The following SPTBN5 variants were observed in gnomAD, a reference collection of about 807,000 sequenced individuals.
SPTBN5 encodes spectrin beta, non-erythrocytic 5.
A neutral mutation model predicts 477.6 loss-of-function variants in SPTBN5; 513 were observed. The observed-to-expected ratio is 1.07, with a 90% CI of 1.00 to 1.16. SPTBN5 has a LOEUF of 1.16. SPTBN5 is among the 50% of genes most tolerant of loss of function. The pLI, the probability that SPTBN5 is intolerant of heterozygous loss-of-function variation, is 0.00. For synonymous variants in SPTBN5, 2,169 were observed against 2,011.7 expected, an observed-to-expected ratio of 1.08 and a Z score of -2.09; for missense variants, 5,062 against 4,731.8, an observed-to-expected ratio of 1.07 and a Z score of -2.05.
intron 32 of SPTBN5, among the ~76,000 whole-genome samples, chr15:41,869,048 T>G (rs2066439591): frequency 6.6e-6 from 1 of 152,208 alleles, no homozygotes; most frequent in South Asian, 2.1e-4. Context: ...GTTCTCTGAA[T>G]TACTAATTTA....
At position 41,893,263 on chromosome 15, in the gene SPTBN5, C is replaced by A; in HGVS notation, c.216+19G>T. The stretch of plus-strand genomic sequence containing the variant: ...GGCCTGGTATGGGTGGGCTGTGGGT[C>A]ACAGCTGGCTATACTCACCTGGCCG... On this transcript the variant is annotated intron_variant, in intron 2 of 67. Coordinates refer to ENST00000320955, the MANE Select transcript of SPTBN5 (RefSeq NM_016642.4). 1 of 1,613,678 alleles carries A rather than the reference C, an allele frequency of 6.2e-7. No individual in the cohort carries two copies. Among genetic ancestry groups the A allele is most frequent in the South Asian group, 1.1e-5 (1 of 91,008 alleles).
chr15:41,885,669 G>A (rs1432813926), intron 7 of SPTBN5, 66 bp downstream of exon 7: 7 of 1,496,328 alleles, frequency 4.7e-6, no homozygotes, highest in Non-Finnish European at 6.3e-6. Context: ...ACATGACATG[G>A]AAGGATGGGG....
chr15:41,893,128 G>T, intron 2 of SPTBN5, 67 bp from the exon 3 acceptor site: 1 of 1,581,544 alleles, frequency 6.3e-7, no homozygotes. Flanking sequence ...CCTGGGACCT[G>T]AGAGGTACGA....
At chr15:41,873,739 C>G in intron 25 of SPTBN5, 106 bp downstream of exon 25, 1 of 1,515,826 alleles carries the variant, frequency 6.6e-7, no homozygotes, top group Non-Finnish European at 9.0e-7. Context: ...CAGCTCCCAG[C>G]CCAGAGCCCC....
intron 39 of SPTBN5, among the ~76,000 whole-genome samples, chr15:41,864,439 G>C (rs2066228513): frequency 6.6e-6 from 1 of 152,086 alleles, no homozygotes; most frequent in African/African-American, 2.4e-5. Context: ...TCAGCCTCCC[G>C]AGTAGCTGGC....
rs377602982 is a variant in SPTBN5, at chr15:41,858,647, C to G, written c.8181G>C (p.Gln2727His). The G allele has an allele frequency of 5.0e-6, 8 of 1,611,630 alleles. No individual in the cohort carries two copies. In the African/African-American group the frequency reaches 9.3e-5, roughly 19 times the overall value. ...GGTGCATGCTCGCGTCCAGCTCCGC[C>G]TGGAAATTCTGCTGCTTCTGTAACT... ...PAQLQKQQNF[Q>H]AELDASMHQQ... The change falls in exon 49 of 68, where the codon CAG becomes CAC. Residue 2727 changes from glutamine to histidine, a missense_variant. Physicochemically the swap from Gln to His is conservative, Grantham distance 24. Coordinates refer to ENST00000320955, the MANE Select transcript of SPTBN5 (RefSeq NM_016642.4).
At position 41,867,139 on chromosome 15, in the gene SPTBN5, G is replaced by A. The variant is rs2066352093; in HGVS notation, c.6313-13C>T. ...GCAGGGCTGCCTCCTGTGGGGCAGG[G>A]GCACAGCTGCTGCTCTCCCACCCTG... is the stretch of plus-strand genomic sequence containing the variant. On this transcript the variant is annotated splice_polypyrimidine_tract_variant and intron_variant, in intron 35 of 67. Transcript: ENST00000320955. 1 of 1,520,338 alleles carries A rather than the reference G, an allele frequency of 6.6e-7. No homozygotes were observed. Among genetic ancestry groups the A allele is most frequent in the Non-Finnish European group, 8.8e-7 (1 of 1,136,870 alleles). The allele number at this position is 1,520,338 out of a possible 1,614,324, so 94.2% of individuals were successfully genotyped here.
At chr15:41,864,816 G>C (rs2066242200) in intron 39 of SPTBN5, among the ~76,000 whole-genome samples, 1 of 152,246 alleles carries the variant, frequency 6.6e-6, no homozygotes, top group African/African-American at 2.4e-5. Context: ...TGTGATTGCA[G>C]ATCTCCTGCC....
intron 34 of SPTBN5, among the ~76,000 whole-genome samples, 182 bp downstream of exon 34, chr15:41,867,887 G>A (rs1230756439): frequency 6.6e-6 from 1 of 152,232 alleles, no homozygotes; most frequent in Non-Finnish European, 1.5e-5. Context: ...ATAGGGGCTG[G>A]GGATGTCAGT....
intron 23 of SPTBN5, 40 bp downstream of exon 23, chr15:41,874,802 G>A (rs2066665102): frequency 6.4e-7 from 1 of 1,567,536 alleles, no homozygotes; most frequent in African/African-American, 1.4e-5. Flanking sequence ...AAATTCACAT[G>A]GAGGAGTGAC....
At position 41,868,553 on chromosome 15, in the gene SPTBN5, C is replaced by T. The variant is rs139560192; in HGVS notation, c.5902G>A (p.Val1968Met). ...WAARVRQDLQ[V>M]EESSQEPSSG... Reference sequence around the variant, plus strand: ...CTAGGCTCTTGCGAACTCTCCTCCACCTGCAGGTCCTGGCGCACGCGGGCT... The same window carrying T: ...CTAGGCTCTTGCGAACTCTCCTCCATCTGCAGGTCCTGGCGCACGCGGGCT... Residue 1968 changes from valine (V) to methionine (M), a missense_variant, in exon 33 of 68, where the codon GTG (valine) becomes ATG (methionine). Val to Met is a conservative substitution (Grantham distance 21). Coordinates refer to ENST00000320955, the MANE Select transcript of SPTBN5 (RefSeq NM_016642.4). 7.1e-3 allele frequency: 11,366 copies of T among 1,604,174 alleles called. 55 individuals are homozygous for T. Among genetic ancestry groups the T allele is most frequent in the Non-Finnish European group, 7.9e-3 (9,366 of 1,179,714 alleles).
intron 13 of SPTBN5, 62 bp from the exon 14 acceptor site, chr15:41,880,374 G>T (rs182339466): frequency 4.1e-6 from 6 of 1,481,102 alleles, no homozygotes; most frequent in Non-Finnish European, 5.4e-6. Flanking sequence ...CTCTCAGAGC[G>T]GGTCAAAGGG....
Position 41,886,256 on chromosome 15 carries a change from A to G in SPTBN5, c.999T>C (p.Asp333=). The G allele has an allele frequency of 6.2e-7, 1 of 1,613,158 alleles. No individual in the cohort carries two copies. The highest frequency in any genetic ancestry group is 1.7e-5 in the Admixed American group (1 of 60,018). The stretch of plus-strand genomic sequence containing the variant: ...GCATGGCGGGCAGCGAGTCTGGAAA[A>G]TCCCGCGCCTCCAGCTGCATCTGCT... ...AEKQMQLEAR[D]FPDSLPAMRQ... The change falls in exon 7 of 68, where the codon GAT becomes GAC. Residue 333 remains aspartate (D), a synonymous_variant. Transcript: ENST00000320955.
Position 41,857,028 on chromosome 15 carries a change from A to C in SPTBN5, c.8633T>G (p.Leu2878Arg). The C allele has an allele frequency of 6.2e-7, 1 of 1,602,966 alleles. No individual in the cohort carries two copies. Among genetic ancestry groups the C allele is most frequent in the Non-Finnish European group, 8.5e-7 (1 of 1,175,468 alleles). The change falls in exon 52 of 68, where the codon CTG becomes CGG. Residue 2878 changes from leucine to arginine, a missense_variant. Physicochemically the swap from Leu to Arg is moderately radical, Grantham distance 102 (BLOSUM62 -2). Coordinates refer to ENST00000320955, the MANE Select transcript of SPTBN5 (RefSeq NM_016642.4). ...ARRLLQRFKSLREPLQERRTA... is the reference protein window; with the variant it reads ...ARRLLQRFKSRREPLQERRTA... ...CCTGCGCTCCTGCAGGGGCTCCCTC[A>C]GGCTCTTGAACCTGCAGCGGTGGAG...
In SPTBN5 at chr15:41,851,760, G is replaced by C. The variant is rs1274686264; in HGVS notation, c.10656+19C>G. 11 of 1,582,954 alleles carry C rather than the reference G, an allele frequency of 6.9e-6. No individual in the cohort carries two copies. The highest frequency in any genetic ancestry group is 8.7e-6 in the Non-Finnish European group (10 of 1,155,276). ...TGCAAGTGGGGAGCTGCCTGGAGAA[G>C]GAATCTCCAGGCACTCACCTGCCTC... On this transcript the variant is annotated intron_variant, in intron 63 of 67. Transcript: ENST00000320955.
At chr15:41,862,006 G>T in intron 44 of SPTBN5, 83 bp from the exon 45 acceptor site, 1 of 1,531,174 alleles carries the variant, frequency 6.5e-7, no homozygotes, top group Middle Eastern at 2.2e-4. Context: ...GCTGAGGAGC[G>T]GGAGGCTGGA....
chr15:41,854,515 G>C (rs908996869), intron 56 of SPTBN5, among the ~76,000 whole-genome samples: 1 of 152,108 alleles, frequency 6.6e-6, no homozygotes, highest in Non-Finnish European at 1.5e-5. Context: ...GGCTGACCCT[G>C]GCAGTACCAC....
chr15:41,891,719 G>T (rs1212426), intron 3 of SPTBN5, among the ~76,000 whole-genome samples: 14,148 of 152,158 alleles, frequency 0.093, 1,381 homozygotes, highest in African/African-American at 0.23. Flanking sequence ...TTGCTTAGTG[G>T]AGCCCAGCGC....
chr15:41,862,822 G>C lies in SPTBN5; in HGVS notation c.7231C>G (p.Arg2411Gly), dbSNP rs758580059. ...RLLRKHEELE[R>G]EVHPIQAQVE... Reference sequence around the variant, plus strand: ...TGGGCCTGGATGGGGTGCACTTCCCGCTCCAGCTCCTCGTGTTTCCGCAGC... The same window carrying C: ...TGGGCCTGGATGGGGTGCACTTCCCCCTCCAGCTCCTCGTGTTTCCGCAGC... The change falls in exon 42 of 68, where the codon CGG becomes GGG. Residue 2411 changes from arginine (R) to glycine (G), a missense_variant. Arg to Gly is a moderately radical substitution (Grantham distance 125). Coordinates refer to ENST00000320955, the MANE Select transcript of SPTBN5 (RefSeq NM_016642.4). The C allele has an allele frequency of 1.9e-6, 3 of 1,584,070 alleles. No homozygotes were observed. The highest frequency in any genetic ancestry group is 2.6e-6 in the Non-Finnish European group (3 of 1,166,322).
Sources: gnomAD v4.1 joint callset for allele counts (sites outside exome capture counted in the v4.1 genomes callset) on GRCh38, gnomAD v4.1.1 for gene constraint, MANE v1.5 for transcripts, NCBI Gene and HGNC (gene_info 2026-07-23, HGNC 2026-07-21) for gene names.